Variants in KCND3 observed in about 807,000 individuals in gnomAD.
KCND3 encodes potassium voltage-gated channel subfamily D member 3.
A neutral mutation model predicts 51.1 loss-of-function variants in KCND3; 9 were observed. The ratio of observed to expected loss-of-function variants is 0.18; its 90% CI spans 0.11 to 0.31. KCND3 has a LOEUF of 0.31. Among genes scored for constraint, KCND3 ranks in the 10% least tolerant of loss-of-function variants. The pLI, the probability that KCND3 is intolerant of heterozygous loss-of-function variation, is 1.00. For missense variants in KCND3, 526 were observed against 903.8 expected (o/e 0.58, Z 5.36); for synonymous variants, 349 against 368.0 (o/e 0.95, Z 0.59).
chr1:111,975,821 CTGCCTGTTGGACTT>C (rs913372904), intron 2 of KCND3, among the ~76,000 whole-genome samples: 21 of 152,286 alleles, frequency 1.4e-4, no homozygotes, highest in South Asian at 8.3e-4. Flanking sequence ...AAGGTCCCTC[CTGCCTGTTGGACTT>C]TGCCTGTTGG....
chr1:111,866,662 G>A (rs1027884782), intron 2 of KCND3, among the ~76,000 whole-genome samples: 6 of 149,584 alleles, frequency 4.0e-5, no homozygotes, highest in African/African-American at 1.5e-4. Context: ...GGTCACAAAC[G>A]AGGTGTGACC....
At chr1:111,978,359 T>C (rs904333296) in intron 2 of KCND3, among the ~76,000 whole-genome samples, 1 of 151,746 alleles carries the variant, frequency 6.6e-6, no homozygotes, top group Non-Finnish European at 1.5e-5. Context: ...GGGAAGGGAG[T>C]GTCTGGAGAA....
intron 2 of KCND3, among the ~76,000 whole-genome samples, chr1:111,795,370 G>C (rs1300451876): frequency 6.6e-6 from 1 of 152,246 alleles, no homozygotes; most frequent in African/African-American, 2.4e-5. Context: ...ATGAGGCTCA[G>C]AGCAAGGTAA....
At chr1:111,951,577 A>T (rs575561292) in intron 2 of KCND3, among the ~76,000 whole-genome samples, 3 of 152,342 alleles carry the variant, frequency 2.0e-5, no homozygotes, top group Non-Finnish European at 4.4e-5. Flanking sequence ...TCATTCAACA[A>T]ATACTTACTG....
chr1:111,911,761 C>A (rs1670957068), intron 2 of KCND3, among the ~76,000 whole-genome samples: 2 of 152,310 alleles, frequency 1.3e-5, no homozygotes, highest in South Asian at 4.1e-4. Flanking sequence ...ACCTTTCTGT[C>A]TTAAACAACT....
intron 2 of KCND3, among the ~76,000 whole-genome samples, chr1:111,976,391 T>C (rs1250661394): frequency 2.0e-5 from 3 of 152,210 alleles, no homozygotes; most frequent in South Asian, 2.1e-4. Flanking sequence ...TCCACAAATA[T>C]CATGTCTGCC....
intron 2 of KCND3, among the ~76,000 whole-genome samples, chr1:111,794,522 A>G (rs1664975622): frequency 6.6e-6 from 1 of 152,206 alleles, no homozygotes; most frequent in African/African-American, 2.4e-5. Context: ...TGCTGCACCT[A>G]TCTTCTCCAC....
chr1:111,947,445 T>A (rs1445681095), intron 2 of KCND3, among the ~76,000 whole-genome samples: 1 of 152,270 alleles, frequency 6.6e-6, no homozygotes, highest in Non-Finnish European at 1.5e-5. Context: ...AACATCTCAA[T>A]TAATTTTCAC....
At chr1:111,786,483 TC>T (rs769452275) in intron 3 of KCND3, among the ~76,000 whole-genome samples, 30 of 152,254 alleles carry the variant, frequency 2.0e-4, no homozygotes, top group Non-Finnish European at 4.0e-4. Context: ...GTGCCATTTG[TC>T]CCTGAACTCA....
intron 2 of KCND3, among the ~76,000 whole-genome samples, chr1:111,948,648 C>A (rs1283511474): frequency 6.6e-6 from 1 of 152,124 alleles, no homozygotes; most frequent in Non-Finnish European, 1.5e-5. Flanking sequence ...AAGCCTGTGG[C>A]CAGGGTCTTT....
chr1:111,929,999 T>C (rs1671886482), intron 2 of KCND3, among the ~76,000 whole-genome samples: 1 of 152,234 alleles, frequency 6.6e-6, no homozygotes, highest in Admixed American at 6.5e-5. Context: ...TAGAAAATGC[T>C]CAGGTGTGTC....
At chr1:111,926,710 GCA>G (rs2101850351) in intron 2 of KCND3, among the ~76,000 whole-genome samples, 1 of 152,382 alleles carries the variant, frequency 6.6e-6, no homozygotes, top group Non-Finnish European at 1.5e-5. Context: ...TTCCCCTTCA[GCA>G]CTTTAGGAGG....
intron 2 of KCND3, among the ~76,000 whole-genome samples, chr1:111,798,552 T>C (rs1248936652): frequency 6.6e-6 from 1 of 151,894 alleles, no homozygotes; most frequent in Non-Finnish European, 1.5e-5. Flanking sequence ...CGATGCCAAG[T>C]AGGGACTCAA....
At chr1:111,841,290 C>T (rs533326559) in intron 2 of KCND3, among the ~76,000 whole-genome samples, 1 of 152,194 alleles carries the variant, frequency 6.6e-6, no homozygotes, top group African/African-American at 2.4e-5. Flanking sequence ...CTTTCAGGCA[C>T]GTAGTGTTTC....
At chr1:111,836,258 C>A (rs1412371625) in intron 2 of KCND3, among the ~76,000 whole-genome samples, 1 of 152,172 alleles carries the variant, frequency 6.6e-6, no homozygotes. Context: ...TGGGCACTGC[C>A]AGTTTGGGCC....
chr1:111,818,695 C>T (rs1457411970), intron 2 of KCND3, among the ~76,000 whole-genome samples: 2 of 152,188 alleles, frequency 1.3e-5, no homozygotes, highest in African/African-American at 2.4e-5. Flanking sequence ...TTGCTCCATG[C>T]CCTGGGTGGC....
In KCND3 at chr1:111,774,716, G is replaced by C. The variant is rs940328037; in HGVS notation, c.*1361C>G. The C allele has an allele frequency of 6.6e-6, 1 of 152,130 alleles. No homozygotes were observed. Among genetic ancestry groups the C allele is most frequent in the African/African-American group, 2.4e-5 (1 of 41,404 alleles). The allele number at this position is 152,130 out of a possible 1,614,324, so 9.4% of individuals were successfully genotyped here. A position where few individuals can be genotyped will look rare whatever the true frequency, so the allele number is the denominator to read the frequency against. ...GAAGCATTTTTCTTGAGGCACACAG[G>C]CTTACCCTTCCACAGCCTCTGTGTG... is the stretch of plus-strand genomic sequence containing the variant. On this transcript the variant is annotated 3_prime_UTR_variant, in exon 8 of 8. Coordinates refer to ENST00000302127, the MANE Select transcript of KCND3 (RefSeq NM_001378969.1).
At chr1:111,941,793 C>A (rs1339551516) in intron 2 of KCND3, among the ~76,000 whole-genome samples, 1 of 152,200 alleles carries the variant, frequency 6.6e-6, no homozygotes, top group Admixed American at 6.5e-5. Flanking sequence ...GACAGAAGAA[C>A]AGAAACTGCC....
At chr1:111,787,984 G>C (rs1664680414) in intron 2 of KCND3, among the ~76,000 whole-genome samples, 1 of 152,212 alleles carries the variant, frequency 6.6e-6, no homozygotes, top group Non-Finnish European at 1.5e-5. Flanking sequence ...AGGACCATGA[G>C]CTCTGAAGCT....
Sources: allele counts gnomAD v4.1 joint callset (sites outside exome capture counted in the v4.1 genomes callset), GRCh38; gene constraint gnomAD v4.1.1; transcripts MANE v1.5; gene names NCBI Gene and HGNC (gene_info 2026-07-23, HGNC 2026-07-21).